DOK6: variants seen among roughly 807,000 people sequenced by gnomAD.
DOK6 encodes downstream of tyrosine kinase 6.
A neutral mutation model predicts 44.0 loss-of-function variants in DOK6; 22 were observed. That is an observed-to-expected ratio of 0.50 (90% CI 0.36 to 0.71). The LOEUF is 0.71. DOK6 is among the 30% of genes least tolerant of loss of function. The pLI is 0.00. For synonymous variants in DOK6, 166 were observed against 145.5 expected, an observed-to-expected ratio of 1.14 and a Z score of -1.01; for missense variants, 340 against 416.4, an observed-to-expected ratio of 0.82 and a Z score of 1.60.
At chr18:69,535,996 G>A (rs903878300) in intron 1 of DOK6, among the ~76,000 whole-genome samples, 2 of 152,038 alleles carry the variant, frequency 1.3e-5, no homozygotes, top group Non-Finnish European at 2.9e-5. Flanking sequence ...TAAATAGAGA[G>A]ACATAGGGAG....
At chr18:69,511,913 T>G (rs1244642784) in intron 1 of DOK6, among the ~76,000 whole-genome samples, 1 of 152,120 alleles carries the variant, frequency 6.6e-6, no homozygotes, top group Non-Finnish European at 1.5e-5. Context: ...TAGGTAAGCA[T>G]GAGAAATATG....
chr18:69,836,563 T>A (rs1276086013), intron 7 of DOK6, among the ~76,000 whole-genome samples: 2 of 152,188 alleles, frequency 1.3e-5, no homozygotes, highest in Non-Finnish European at 2.9e-5. Flanking sequence ...AAAACAAACA[T>A]GAATGCACAA....
At chr18:69,513,563 T>C (rs1981434610) in intron 1 of DOK6, among the ~76,000 whole-genome samples, 1 of 152,242 alleles carries the variant, frequency 6.6e-6, no homozygotes, top group African/African-American at 2.4e-5. Context: ...TGTATTTACC[T>C]GTTGGGTTTA....
At position 69,783,699 on chromosome 18, in the gene DOK6, G is replaced by A. The variant is rs545079589; in HGVS notation, c.856+25826G>A. ...TATAATTAAAAACATCCAAATCAACGCTCTGGTTTTATATTTAAGCACTTG... is the reference window on the plus strand; with the variant it reads ...TATAATTAAAAACATCCAAATCAACACTCTGGTTTTATATTTAAGCACTTG... On this transcript the variant is annotated intron_variant, in intron 7 of 7. Coordinates refer to ENST00000382713, the MANE Select transcript of DOK6 (RefSeq NM_152721.6). Among the ~76,000 whole-genome samples, 15 of 151,842 alleles carry A rather than the reference G, an allele frequency of 9.9e-5. No homozygotes were observed. The South Asian group carries it at 1.9e-3, about 19-fold the overall frequency.
chr18:69,815,298 G>A (rs947811554), intron 7 of DOK6, among the ~76,000 whole-genome samples: 4 of 152,156 alleles, frequency 2.6e-5, no homozygotes, highest in Admixed American at 6.6e-5. Context: ...GGCAAGGAGG[G>A]AAGATTCACT....
At chr18:69,753,388 A>G (rs1281184921) in intron 6 of DOK6, among the ~76,000 whole-genome samples, 4 of 152,152 alleles carry the variant, frequency 2.6e-5, no homozygotes, top group Admixed American at 6.5e-5. Flanking sequence ...GTATCAGTGC[A>G]GTCTCCATAC....
intron 4 of DOK6, among the ~76,000 whole-genome samples, chr18:69,688,929 A>C (rs889925677): frequency 5.3e-5 from 8 of 152,230 alleles, no homozygotes; most frequent in African/African-American, 1.9e-4. Flanking sequence ...TTAAACATCA[A>C]TTTAAGATGG....
At chr18:69,606,074 T>A (rs1983987671) in intron 3 of DOK6, among the ~76,000 whole-genome samples, 1 of 151,870 alleles carries the variant, frequency 6.6e-6, no homozygotes, top group South Asian at 2.1e-4. Flanking sequence ...GAGTTCAGGA[T>A]CATCCCAGGC....
intron 3 of DOK6, among the ~76,000 whole-genome samples, chr18:69,631,808 A>G (rs146513639): frequency 2.0e-5 from 3 of 152,340 alleles, no homozygotes; most frequent in African/African-American, 7.2e-5. Context: ...AAGTGTCCGA[A>G]AATCCAAGCG....
intron 1 of DOK6, among the ~76,000 whole-genome samples, chr18:69,493,941 A>T (rs1433593320): frequency 6.6e-6 from 1 of 152,214 alleles, no homozygotes; most frequent in African/African-American, 2.4e-5. Context: ...ACACATAATC[A>T]TGCATTCAGA....
intron 7 of DOK6, among the ~76,000 whole-genome samples, chr18:69,774,066 TATATATATATGAGATAGATTTATATAG>T (rs1165477854): frequency 4.2e-5 from 5 of 118,734 alleles, no homozygotes; most frequent in African/African-American, 1.4e-4. Context: ...TATATATAGA[TATATATATATGAGATAGATTTATATAG>T]ATATATATAT....
At chr18:69,513,505 A>G (rs2144558392) in intron 1 of DOK6, among the ~76,000 whole-genome samples, 1 of 152,346 alleles carries the variant, frequency 6.6e-6, no homozygotes, top group South Asian at 2.1e-4. Flanking sequence ...GTTTCCAAAG[A>G]AAAAGATAAC....
At chr18:69,795,783 AG>A (rs1391927791) in intron 7 of DOK6, among the ~76,000 whole-genome samples, 1 of 152,192 alleles carries the variant, frequency 6.6e-6, no homozygotes, top group African/African-American at 2.4e-5. Flanking sequence ...CTCAAAGTAA[AG>A]GTCTTTAAGG....
At chr18:69,639,147 A>T (rs888149768) in intron 3 of DOK6, among the ~76,000 whole-genome samples, 1 of 152,244 alleles carries the variant, frequency 6.6e-6, no homozygotes, top group African/African-American at 2.4e-5. Context: ...GAAGTTAGGA[A>T]AAACAGATGA....
chr18:69,482,607 T>C (rs550895182), intron 1 of DOK6, among the ~76,000 whole-genome samples: 11 of 151,952 alleles, frequency 7.2e-5, no homozygotes, highest in Non-Finnish European at 1.0e-4. Flanking sequence ...TATAGTAAAA[T>C]TGGAAATGAC....
chr18:69,419,970 T>C (rs1047533776), intron 1 of DOK6, among the ~76,000 whole-genome samples: 1 of 152,210 alleles, frequency 6.6e-6, no homozygotes, highest in Non-Finnish European at 1.5e-5. Context: ...AGCCTGTAAT[T>C]GGAAATATGC....
intron 1 of DOK6, among the ~76,000 whole-genome samples, chr18:69,427,181 TCTCTCC>T (rs1192943191): frequency 6.6e-6 from 1 of 152,094 alleles, no homozygotes; most frequent in African/African-American, 2.4e-5. Flanking sequence ...GTGCTGTCTC[TCTCTCC>T]CTCTCCCTCT....
At chr18:69,729,712 C>T (rs1978343861) in intron 5 of DOK6, among the ~76,000 whole-genome samples, 1 of 152,124 alleles carries the variant, frequency 6.6e-6, no homozygotes, top group African/African-American at 2.4e-5. Flanking sequence ...GGGAAATTCC[C>T]ACACACAATC....
intron 1 of DOK6, among the ~76,000 whole-genome samples, chr18:69,481,485 G>C (rs1045376613): frequency 5.3e-5 from 8 of 151,366 alleles, no homozygotes; most frequent in African/African-American, 1.9e-4. Context: ...TTGGTTTTTT[G>C]TCCTTGCGAT....
Sources: allele counts gnomAD v4.1 joint callset (sites outside exome capture counted in the v4.1 genomes callset), GRCh38; gene constraint gnomAD v4.1.1; transcripts MANE v1.5; gene names NCBI Gene and HGNC (gene_info 2026-07-23, HGNC 2026-07-21).